The following CNTNAP2 variants were observed in gnomAD, a reference collection of about 807,000 sequenced individuals.
CNTNAP2 encodes contactin associated protein 2, also known as contactin-associated protein-like 2.
A neutral mutation model predicts 155.2 loss-of-function variants in CNTNAP2; 98 were observed. That is an observed-to-expected ratio of 0.63 (90% CI 0.54 to 0.75). The LOEUF (loss-of-function observed/expected upper bound fraction) is 0.75. Ranked by LOEUF, CNTNAP2 falls within the 30% of genes least tolerant of loss-of-function variation. The pLI is 0.00. For synonymous variants in CNTNAP2, 651 were observed against 631.2 expected, an observed-to-expected ratio of 1.03 and a Z score of -0.47; for missense variants, 1,727 against 1,688.1, an observed-to-expected ratio of 1.02 and a Z score of -0.40.
intron 8 of CNTNAP2, among the ~76,000 whole-genome samples, chr7:147,148,315 G>A (rs1049484146): frequency 1.8e-3 from 264 of 150,222 alleles, no homozygotes; most frequent in African/African-American, 5.6e-3. Context: ...GCGTGAACCC[G>A]GGAGGCGGAG....
At chr7:147,815,567 T>C (rs962551624) in intron 13 of CNTNAP2, among the ~76,000 whole-genome samples, 1 of 152,202 alleles carries the variant, frequency 6.6e-6, no homozygotes, top group African/African-American at 2.4e-5. Context: ...CACTCTCTAC[T>C]TTTAAGGGTT....
At chr7:146,442,246 G>C (rs1402927616) in intron 1 of CNTNAP2, among the ~76,000 whole-genome samples, 1 of 151,346 alleles carries the variant, frequency 6.6e-6, no homozygotes, top group Non-Finnish European at 1.5e-5. Flanking sequence ...TTGCATCGAG[G>C]GTTTCTTATG....
intron 8 of CNTNAP2, among the ~76,000 whole-genome samples, chr7:147,180,832 A>G (rs1802441486): frequency 6.6e-6 from 1 of 152,218 alleles, no homozygotes; most frequent in Non-Finnish European, 1.5e-5. Context: ...ATGAACTGTC[A>G]TTATTTGCTG....
intron 8 of CNTNAP2, among the ~76,000 whole-genome samples, chr7:147,261,267 A>C (rs1804457892): frequency 6.6e-6 from 1 of 152,158 alleles, no homozygotes; most frequent in South Asian, 2.1e-4. Context: ...CGCCAGGTTA[A>C]AGGTTCCTTG....
rs192268432 is a variant in CNTNAP2, at chr7:146,905,419, A to C, written c.402+65515A>C. On this transcript the variant is annotated intron_variant, in intron 3 of 23. Transcript: ENST00000361727. The stretch of plus-strand genomic sequence containing the variant: ...TTCCTTGATACAGAATTCTTTCTAC[A>C]TTCTCTTCCTATTTGGAAGGACTTC... 3.3e-5 allele frequency among the ~76,000 whole-genome samples: 5 copies of C among 152,212 alleles called. No homozygotes were observed. The East Asian group carries it at 9.7e-4, about 29-fold the overall frequency.
chr7:147,867,830 A>C (rs1425911572), intron 13 of CNTNAP2, among the ~76,000 whole-genome samples: 1 of 152,048 alleles, frequency 6.6e-6, no homozygotes, highest in African/African-American at 2.4e-5. Flanking sequence ...CACACTGTTT[A>C]TTATAGTTAG....
intron 8 of CNTNAP2, among the ~76,000 whole-genome samples, chr7:147,148,247 G>T (rs965729190): frequency 6.6e-6 from 1 of 151,624 alleles, no homozygotes; most frequent in African/African-American, 2.4e-5. Context: ...AAAAATAGCC[G>T]GGCGTAGTGG....
chr7:146,525,733 G>A (rs801958), intron 1 of CNTNAP2, among the ~76,000 whole-genome samples: 4,346 of 152,042 alleles, frequency 0.029, 206 homozygotes, highest in African/African-American at 0.099. Flanking sequence ...TGGGCATCTG[G>A]GCATTGATGG....
chr7:146,570,465 T>A (rs2129145996), intron 1 of CNTNAP2, among the ~76,000 whole-genome samples: 1 of 150,810 alleles, frequency 6.6e-6, no homozygotes, highest in African/African-American at 2.5e-5. Context: ...TAATCCAGAA[T>A]TTTTTCCTGT....
intron 12 of CNTNAP2, among the ~76,000 whole-genome samples, chr7:147,582,876 A>G (rs1800531897): frequency 6.6e-6 from 1 of 152,156 alleles, no homozygotes; most frequent in South Asian, 2.1e-4. Context: ...CAATGTTCAC[A>G]TTCATTTAAC....
chr7:148,254,592 C>G (rs533389748), intron 20 of CNTNAP2, among the ~76,000 whole-genome samples: 3 of 151,948 alleles, frequency 2.0e-5, no homozygotes, highest in Non-Finnish European at 4.4e-5. Flanking sequence ...CTGGCTAACA[C>G]GGTGAAACCC....
rs1339168136 is a variant in CNTNAP2, at chr7:148,070,305, C to T, written c.2384-47813C>T. 4.6e-5 allele frequency among the ~76,000 whole-genome samples: 7 copies of T among 152,348 alleles called. 1 individual carries two copies. The South Asian group carries it at 1.2e-3, about 27-fold the overall frequency. Reference sequence around the variant, plus strand: ...ATAGACATTGCACTGAGAAGTCTATCACTAGCATATTAAGGAATGAAGACT... The same window carrying T: ...ATAGACATTGCACTGAGAAGTCTATTACTAGCATATTAAGGAATGAAGACT... On this transcript the variant is annotated intron_variant, in intron 15 of 23. Transcript: ENST00000361727.
intron 1 of CNTNAP2, among the ~76,000 whole-genome samples, chr7:146,522,054 C>T (rs1301373973): frequency 2.6e-5 from 4 of 151,414 alleles, no homozygotes; most frequent in African/African-American, 9.7e-5. Context: ...AGCTATACTC[C>T]CTGTTTTTTT....
intron 1 of CNTNAP2, among the ~76,000 whole-genome samples, chr7:146,503,616 G>A (rs149246530): frequency 6.6e-6 from 1 of 152,098 alleles, no homozygotes; most frequent in Non-Finnish European, 1.5e-5. Context: ...TTTTGTATAT[G>A]GTGAGAGAAT....
intron 10 of CNTNAP2, among the ~76,000 whole-genome samples, chr7:147,472,694 C>G (rs1198158404): frequency 6.6e-6 from 1 of 152,060 alleles, no homozygotes; most frequent in Non-Finnish European, 1.5e-5. Flanking sequence ...CAGATTGGAG[C>G]CAGTTTCCAA....
rs546073059 is a variant in CNTNAP2, at chr7:148,196,604, C to G, written c.3011-20684C>G. ...TAACTCATTTATTCACACAAGAATC[C>G]AATAAGGGAGATAGTTTTAATAGAC... is the stretch of plus-strand genomic sequence containing the variant. On this transcript the variant is annotated intron_variant, in intron 18 of 23. Coordinates refer to ENST00000361727, the MANE Select transcript of CNTNAP2 (RefSeq NM_014141.6). 2.6e-5 allele frequency among the ~76,000 whole-genome samples: 4 copies of G among 152,228 alleles called. No individual in the cohort carries two copies. The East Asian group carries it at 7.7e-4, about 29-fold the overall frequency.
chr7:147,159,563 T>C (rs73740589), intron 8 of CNTNAP2, among the ~76,000 whole-genome samples: 284 of 152,240 alleles, frequency 1.9e-3, no homozygotes, highest in Middle Eastern at 6.8e-3. Flanking sequence ...AATGCATCAG[T>C]CTTCATATTA....
At chr7:148,012,943 GC>G (rs1802107146) in intron 15 of CNTNAP2, among the ~76,000 whole-genome samples, 1 of 152,118 alleles carries the variant, frequency 6.6e-6, no homozygotes, top group Non-Finnish European at 1.5e-5. Flanking sequence ...TAATTTTCTA[GC>G]TTTCAAATTA....
At chr7:147,763,925 G>A (rs1797345508) in intron 13 of CNTNAP2, among the ~76,000 whole-genome samples, 1 of 152,176 alleles carries the variant, frequency 6.6e-6, no homozygotes. Context: ...TGCTGATAAG[G>A]TGCGTGCCAT....
Sources: allele counts gnomAD v4.1 joint callset (sites outside exome capture counted in the v4.1 genomes callset), GRCh38; gene constraint gnomAD v4.1.1; transcripts MANE v1.5; gene names NCBI Gene and HGNC (gene_info 2026-07-23, HGNC 2026-07-21).